The following MROH7 variants were observed in gnomAD, a reference collection of about 807,000 sequenced individuals.
MROH7 encodes maestro heat like repeat family member 7.
Under a neutral mutation model 129.2 loss-of-function variants are expected in MROH7, and 113 were observed. The observed-to-expected ratio is 0.87, with a 90% CI of 0.75 to 1.02. The LOEUF (loss-of-function observed/expected upper bound fraction) is 1.02, where lower values mean the gene tolerates loss of function less well. MROH7 is among the 50% of genes least tolerant of loss of function. The probability of loss-of-function intolerance (pLI) is 0.00; values close to 1 mark genes in which losing one functional copy is unlikely to be tolerated. For synonymous variants in MROH7, 655 were observed against 667.9 expected (o/e 0.98, Z 0.30); for missense variants, 1,601 against 1,671.3 (o/e 0.96, Z 0.73).
At chr1:54,702,942 A>G (rs1645463755) in intron 21 of MROH7, among the ~76,000 whole-genome samples, 197 bp downstream of exon 21, 1 of 152,042 alleles carries the variant, frequency 6.6e-6, no homozygotes, top group South Asian at 2.1e-4. Context: ...GGCTTCCTGC[A>G]TACCTCCCAC....
At chr1:54,685,114 T>A (rs876193) in intron 14 of MROH7, among the ~76,000 whole-genome samples, 1 of 151,880 alleles carries the variant, frequency 6.6e-6, no homozygotes, top group African/African-American at 2.4e-5. Context: ...CCTCCCGGGT[T>A]GCAGTGATTC....
intron 3 of MROH7, among the ~76,000 whole-genome samples, chr1:54,660,239 A>G (rs1424726655): frequency 3.9e-5 from 6 of 152,160 alleles, no homozygotes; most frequent in Admixed American, 2.6e-4. Flanking sequence ...GTATCCCTAC[A>G]TGGTGGTAGG....
chr1:54,699,159 T>TGTC lies in MROH7; in HGVS notation c.2965-1162_2965-1161insGTC, dbSNP rs1293867516. On this transcript the variant is annotated intron_variant, in intron 17 of 23. Transcript: ENST00000421030. ...CTTTCTTTCTTTCTTTCTTTCTTTC[T>TGTC]TTTCTTTCTTTCTTTCTTTCTTTCT... 449 of 65,976 alleles carry TGTC rather than the reference T, an allele frequency of 6.8e-3. 11 individuals are homozygous for TGTC. The highest frequency in any genetic ancestry group is 0.019 in the Middle Eastern group (2 of 106). The allele number at this position is 65,976 out of a possible 1,614,324, so 4.1% of individuals were successfully genotyped here. A position where few individuals can be genotyped will look rare whatever the true frequency, so the allele number is the denominator to read the frequency against.
At chr1:54,684,610 ACT>A (rs1347661172) in intron 14 of MROH7, among the ~76,000 whole-genome samples, 3 of 152,238 alleles carry the variant, frequency 2.0e-5, no homozygotes, top group African/African-American at 7.2e-5. Flanking sequence ...GTGGCACATC[ACT>A]AGAGACTTTT....
Position 54,682,812 on chromosome 1 carries a change from C to T in MROH7, c.2520+18C>T. ...CCCTGGCGGTGAGCACCCAGTCAGC[C>T]AGCCCCTATTGCTGCCTGTCCTGCC... On this transcript the variant is annotated intron_variant, in intron 14 of 23. Coordinates refer to ENST00000421030, the MANE Select transcript of MROH7 (RefSeq NM_001039464.4). 3 of 1,606,502 alleles carry T rather than the reference C, an allele frequency of 1.9e-6. No individual in the cohort carries two copies. Among genetic ancestry groups the T allele is most frequent in the Non-Finnish European group, 1.7e-6 (2 of 1,178,674 alleles).
At chr1:54,670,740 C>G in intron 6 of MROH7, 60 bp from the exon 7 acceptor site, 9 of 1,594,378 alleles carry the variant, frequency 5.6e-6, no homozygotes, top group Non-Finnish European at 7.7e-6. Context: ...GCTCAGCCCC[C>G]GTCTATAGCC....
Position 54,679,975 on chromosome 1 carries a change from T to A in MROH7, c.2311T>A (p.Ser771Thr), listed in dbSNP as rs759391730. Residue 771 changes from serine (S) to threonine (T), a missense_variant, in exon 13 of 24, where the codon TCC becomes ACC. Transcript: ENST00000421030. The part of the protein sequence containing the change: ...RARQVALLPV[S>T]LLASSFMTEV... ...CCGCCAGGTGGCCCTGCTGCCCGTC[T>A]CCCTCCTGGCTAGCTCCTTCATGAC... The A allele has an allele frequency of 2.9e-5, 47 of 1,613,822 alleles. No individual in the cohort carries two copies. The highest frequency in any genetic ancestry group is 2.5e-4 in the Admixed American group (15 of 59,988).
At chr1:54,659,460 T>C (rs550760835) in intron 3 of MROH7, among the ~76,000 whole-genome samples, 85 of 150,704 alleles carry the variant, frequency 5.6e-4, no homozygotes, top group African/African-American at 1.8e-3. Flanking sequence ...TTTTTGTATT[T>C]TTTTTTTTTT....
intron 3 of MROH7, among the ~76,000 whole-genome samples, chr1:54,664,286 T>C (rs1644778600): frequency 6.6e-6 from 1 of 152,222 alleles, no homozygotes; most frequent in Non-Finnish European, 1.5e-5. Flanking sequence ...ATGCCTCTCA[T>C]AACAAGTAGG....
intron 16 of MROH7, among the ~76,000 whole-genome samples, chr1:54,694,182 A>G (rs1645284942): frequency 6.6e-6 from 1 of 152,190 alleles, no homozygotes; most frequent in Non-Finnish European, 1.5e-5. Flanking sequence ...TCCCTCGGTG[A>G]AATAGCACTA....
chr1:54,706,708 AG>A (rs1220154203), intron 22 of MROH7, among the ~76,000 whole-genome samples, 171 bp downstream of exon 22: 11 of 152,210 alleles, frequency 7.2e-5, no homozygotes, highest in African/African-American at 2.7e-4. Context: ...CCCCACTCTA[AG>A]ATCATGGCTT....
At position 54,673,754 on chromosome 1, in the gene MROH7, GAAC is replaced by G. The variant is rs1218782450; in HGVS notation, c.1751_1753del (p.Asn584del). 1.9e-6 allele frequency: 3 copies of G among 1,614,052 alleles called. No homozygotes were observed. Among genetic ancestry groups the G allele is most frequent in the Non-Finnish European group, 2.5e-6 (3 of 1,180,046 alleles). On this transcript the variant is annotated inframe_deletion, in exon 9 of 24. Transcript: ENST00000421030. ...AGGCCCATGAGCGAGCACGGGCTGT[GAAC>G]ACCAATGTCTCTGTGTTGAACCACA...
At chr1:54,673,232 G>A (rs896012604) in intron 8 of MROH7, 46 bp downstream of exon 8, 3 of 1,464,226 alleles carry the variant, frequency 2.0e-6, no homozygotes, top group South Asian at 1.2e-5. Context: ...GAAGGGTGGA[G>A]GGAAGAGAGA....
intron 14 of MROH7, 37 bp from the exon 15 acceptor site, chr1:54,686,221 G>A: frequency 6.4e-7 from 1 of 1,570,312 alleles, no homozygotes. Flanking sequence ...GGGAAGATGG[G>A]CCACGACATC....
intron 22 of MROH7, among the ~76,000 whole-genome samples, chr1:54,707,069 A>G (rs1354811114): frequency 6.6e-6 from 1 of 152,220 alleles, no homozygotes; most frequent in African/African-American, 2.4e-5. Context: ...CAGGTGCTCA[A>G]TGTTAGCAGT....
intron 3 of MROH7, chr1:54,663,761 G>A (rs900994566): frequency 6.6e-6 from 3 of 451,442 alleles, no homozygotes; most frequent in African/African-American, 2.0e-5. Flanking sequence ...TCATTCAGGT[G>A]TCTCAGGTTC....
At chr1:54,669,056 A>C (rs1644856098) in intron 5 of MROH7, 119 bp downstream of exon 5, 1 of 693,800 alleles carries the variant, frequency 1.4e-6, no homozygotes, top group African/African-American at 1.8e-5. Context: ...CGGGATGAGG[A>C]GGCAGGACAT....
rs908392783 is a variant in MROH7 at position 54,648,324 on chromosome 1, T to C, written c.-109-3625T>C. ...ATTTATCCTTATGTCAGTACCACAC[T>C]GTTGCATGCAATTTTATTTATTTAT... On this transcript the variant is annotated intron_variant, in intron 1 of 23. Coordinates refer to ENST00000421030, the MANE Select transcript of MROH7 (RefSeq NM_001039464.4). Among the ~76,000 whole-genome samples the C allele has an allele frequency of 2.0e-5, 3 of 149,544 alleles. No homozygotes were observed. In the East Asian group the frequency reaches 5.9e-4, roughly 29 times the overall value.
chr1:54,653,901 A>G lies in MROH7; in HGVS notation c.975A>G (p.Ser325=), dbSNP rs774274511. The change falls in exon 3 of 24, where the codon TCA becomes TCG. Residue 325 remains serine, a synonymous_variant. Coordinates refer to ENST00000421030, the MANE Select transcript of MROH7 (RefSeq NM_001039464.4). ...CCAACTCCACCATCTCTCCACCCTC[A>G]TGCATGACTCTAATCCTGGGTTCCA... ...HEPNSTISPP[S]CMTLILGSNE... The G allele has an allele frequency of 1.9e-6, 3 of 1,613,926 alleles. No individual in the cohort carries two copies. The highest frequency in any genetic ancestry group is 1.7e-5 in the Admixed American group (1 of 59,994).
Sources: gnomAD v4.1 joint callset for allele counts (sites outside exome capture counted in the v4.1 genomes callset) on GRCh38, gnomAD v4.1.1 for gene constraint, MANE v1.5 for transcripts, NCBI Gene and HGNC (gene_info 2026-07-23, HGNC 2026-07-21) for gene names.